Variants in GTF2IRD1 observed in about 807,000 individuals in gnomAD.
The protein encoded by GTF2IRD1 is GTF2I repeat domain containing 1, also known as general transcription factor II-I repeat domain-containing protein 1.
Under a neutral mutation model 113.2 loss-of-function variants are expected in GTF2IRD1, and 26 were observed. That is an observed-to-expected ratio of 0.23 (90% CI 0.17 to 0.32). The LOEUF (loss-of-function observed/expected upper bound fraction) is 0.32, where lower values mean the gene tolerates loss of function less well. Among genes scored for constraint, GTF2IRD1 ranks in the 10% least tolerant of loss-of-function variants. The probability of loss-of-function intolerance (pLI) is 1.00; values close to 1 mark genes in which losing one functional copy is unlikely to be tolerated. For synonymous variants in GTF2IRD1, 484 were observed against 529.1 expected, an observed-to-expected ratio of 0.91 and a Z score of 1.17; for missense variants, 864 against 1,280.8, an observed-to-expected ratio of 0.67 and a Z score of 4.97.
chr7:74,488,391 G>A (rs2117192375), intron 1 of GTF2IRD1, among the ~76,000 whole-genome samples: 1 of 152,334 alleles, frequency 6.6e-6, no homozygotes, highest in South Asian at 2.1e-4. Context: ...AAATAGACCT[G>A]TAGTCAAAAA....
chr7:74,576,988 C>G (rs587694398), intron 22 of GTF2IRD1, among the ~76,000 whole-genome samples: 1 of 152,010 alleles, frequency 6.6e-6, no homozygotes, highest in Non-Finnish European at 1.5e-5. Context: ...CACAGAAGAG[C>G]TCAGATTCTC....
At chr7:74,587,729 C>A (rs1313125720) in intron 22 of GTF2IRD1, among the ~76,000 whole-genome samples, 12 of 152,104 alleles carry the variant, frequency 7.9e-5, no homozygotes, top group Admixed American at 7.9e-4. Context: ...TGCCCCAGAC[C>A]CCATCTCCAG....
chr7:74,567,253 G>A (rs1357119600), intron 22 of GTF2IRD1, among the ~76,000 whole-genome samples: 2 of 151,932 alleles, frequency 1.3e-5, no homozygotes, highest in African/African-American at 2.4e-5. Context: ...GCTTGAACCC[G>A]GGAGGCAGAG....
At chr7:74,568,904 A>C (rs756033506) in intron 22 of GTF2IRD1, among the ~76,000 whole-genome samples, 2 of 152,038 alleles carry the variant, frequency 1.3e-5, no homozygotes, top group Non-Finnish European at 2.9e-5. Flanking sequence ...GATCACCAAG[A>C]GGTTCAGGAC....
chr7:74,478,349 G>T (rs568645604), intron 1 of GTF2IRD1, among the ~76,000 whole-genome samples: 1 of 152,206 alleles, frequency 6.6e-6, no homozygotes, highest in South Asian at 2.1e-4. Flanking sequence ...CAGGCCCAGC[G>T]CCAGGCCCTG....
At chr7:74,471,504 A>G (rs1466144750) in intron 1 of GTF2IRD1, among the ~76,000 whole-genome samples, 1 of 151,846 alleles carries the variant, frequency 6.6e-6, no homozygotes, top group African/African-American at 2.4e-5. Flanking sequence ...GCGAGACCCC[A>G]TCTCTACAAA....
intron 14 of GTF2IRD1, 138 bp downstream of exon 14, chr7:74,540,106 C>T (rs1398184022): frequency 3.3e-6 from 2 of 599,982 alleles, no homozygotes; most frequent in East Asian, 2.9e-5. Flanking sequence ...TATGCCTGAC[C>T]CTAATCCAAG....
At chr7:74,471,834 T>C (rs1037007256) in intron 1 of GTF2IRD1, among the ~76,000 whole-genome samples, 1 of 147,416 alleles carries the variant, frequency 6.8e-6, no homozygotes, top group Non-Finnish European at 1.5e-5. Flanking sequence ...TCTACTAAAA[T>C]TACAAAAATT....
intron 25 of GTF2IRD1, among the ~76,000 whole-genome samples, chr7:74,595,768 A>G (rs1802374175): frequency 6.6e-6 from 1 of 152,158 alleles, no homozygotes; most frequent in South Asian, 2.1e-4. Context: ...GGTCAGCTGG[A>G]AGGACAAGAG....
intron 10 of GTF2IRD1, 148 bp from the exon 11 acceptor site, chr7:74,536,019 G>T: frequency 1.7e-6 from 1 of 587,058 alleles, no homozygotes; most frequent in Non-Finnish European, 3.1e-6. Flanking sequence ...CCTGGCTGTT[G>T]GCTGGACGTG....
In GTF2IRD1 at chr7:74,529,741, C is replaced by G. The variant is rs1489697158; in HGVS notation, c.1098C>G (p.Ala366=). The part of the protein sequence containing the change: ...QILFNSRYAE[A]LGLDHMVPVP... Reference sequence around the variant, plus strand: ...GTTTGGTTGTCTTTCCAGCGGAAGCCCTGGGCCTGGACCACATGGTCCCCG... The same window carrying G: ...GTTTGGTTGTCTTTCCAGCGGAAGCGCTGGGCCTGGACCACATGGTCCCCG... Residue 366 remains alanine (A), a synonymous_variant, in exon 9 of 27, where the codon GCC becomes GCG. Transcript: ENST00000424337. 3 of 1,613,916 alleles carry G rather than the reference C, an allele frequency of 1.9e-6. No individual in the cohort carries two copies. The highest frequency in any genetic ancestry group is 2.5e-6 in the Non-Finnish European group (3 of 1,179,974).
Position 74,558,871 on chromosome 7 carries a change from G to A in GTF2IRD1, c.2118G>A (p.Leu706=). 6.2e-7 allele frequency: 1 copy of A among 1,612,304 alleles called. No homozygotes were observed. Among genetic ancestry groups the A allele is most frequent in the Non-Finnish European group, 8.5e-7 (1 of 1,178,916 alleles). The change falls in exon 21 of 27, where the codon TTG becomes TTA. Residue 706 remains leucine (L), a synonymous_variant. Coordinates refer to ENST00000424337, the MANE Select transcript of GTF2IRD1 (RefSeq NM_005685.4). ...DLFNKKYGEA[L]GIKYPVQVPY... Reference sequence around the variant, plus strand: ...GCCTCTCGCCCACAGGGGAAGCCTTGGGCATCAAGTACCCGGTCCAGGTCC... The same window carrying A: ...GCCTCTCGCCCACAGGGGAAGCCTTAGGCATCAAGTACCCGGTCCAGGTCC...
intron 3 of GTF2IRD1, among the ~76,000 whole-genome samples, chr7:74,514,999 G>T (rs188728582): frequency 6.8e-6 from 1 of 147,512 alleles, no homozygotes; most frequent in East Asian, 2.1e-4. Flanking sequence ...GGAGGTTGTA[G>T]TGAGCCAAGC....
At chr7:74,593,345 G>GC (rs1554370597) in intron 24 of GTF2IRD1, among the ~76,000 whole-genome samples, 5 of 147,200 alleles carry the variant, frequency 3.4e-5, no homozygotes, top group Middle Eastern at 3.5e-3. Context: ...GGAGGCCGAG[G>GC]TGGGTGAATC....
At chr7:74,508,287 C>G (rs1183137782) in intron 2 of GTF2IRD1, 84 bp downstream of exon 2, 1 of 1,443,244 alleles carries the variant, frequency 6.9e-7, no homozygotes, top group African/African-American at 1.4e-5. Flanking sequence ...CTCAGCTACT[C>G]GAAGGAGCTT....
intron 1 of GTF2IRD1, among the ~76,000 whole-genome samples, chr7:74,467,146 A>G (rs1793773535): frequency 6.6e-6 from 1 of 151,984 alleles, no homozygotes; most frequent in Non-Finnish European, 1.5e-5. Flanking sequence ...ATGGGGTTTC[A>G]TCATGTTGGC....
intron 1 of GTF2IRD1, among the ~76,000 whole-genome samples, chr7:74,456,830 T>C (rs551809265): frequency 6.6e-4 from 101 of 152,186 alleles, no homozygotes; most frequent in Admixed American, 1.3e-3. Context: ...GCTTCCTTTA[T>C]TAGCCCTGCC....
chr7:74,457,882 T>G (rs951573734), intron 1 of GTF2IRD1, among the ~76,000 whole-genome samples: 2 of 148,790 alleles, frequency 1.3e-5, no homozygotes, highest in Admixed American at 6.7e-5. Flanking sequence ...TTTTTGTTTT[T>G]TTTTTTTTTT....
intron 22 of GTF2IRD1, among the ~76,000 whole-genome samples, chr7:74,573,074 C>T (rs1196385887): frequency 6.6e-6 from 1 of 152,110 alleles, no homozygotes; most frequent in African/African-American, 2.4e-5. Flanking sequence ...ACCTTCCACA[C>T]GTCGGGGAAG....
Sources: allele counts gnomAD v4.1 joint callset (sites outside exome capture counted in the v4.1 genomes callset), GRCh38; gene constraint gnomAD v4.1.1; transcripts MANE v1.5; gene names NCBI Gene and HGNC (gene_info 2026-07-23, HGNC 2026-07-21).